Variants in PLS3 observed in about 807,000 individuals in gnomAD.
The protein encoded by PLS3 is plastin 3.
PLS3 carries 11 observed loss-of-function variants against 46.5 expected under a neutral mutation model. The ratio of observed to expected loss-of-function variants is 0.24; its 90% CI spans 0.15 to 0.39. The LOEUF is 0.39. PLS3 is among the 10% of genes least tolerant of loss of function. PLS3 has a pLI of 1.00. For synonymous variants in PLS3, 167 were observed against 162.2 expected, an observed-to-expected ratio of 1.03 and a Z score of -0.22; for missense variants, 308 against 461.8, an observed-to-expected ratio of 0.67 and a Z score of 3.05.
intron 3 of PLS3, among the ~76,000 whole-genome samples, chrX:115,626,837 A>G (rs927955174): frequency 1.8e-5 from 2 of 108,858 alleles, no homozygotes; most frequent in Admixed American, 1.0e-4. Context: ...ATGTATATAT[A>G]TGTTTAATTT....
chrX:115,630,954 A>T (rs978850278), intron 5 of PLS3, among the ~76,000 whole-genome samples: 131 of 96,247 alleles, frequency 1.4e-3, no homozygotes, highest in Non-Finnish European at 2.1e-3. Context: ...AATATATATA[A>T]AATATATATT....
intron 8 of PLS3, among the ~76,000 whole-genome samples, chrX:115,638,918 G>GTTA (rs2074866745): frequency 9.2e-6 from 1 of 108,908 alleles, no homozygotes; most frequent in African/African-American, 3.3e-5. Context: ...GTTTCACCGT[G>GTTA]TTAGCCAGGA....
chrX:115,613,981 A>AT (rs1340661759), intron 2 of PLS3, among the ~76,000 whole-genome samples: 88 of 109,401 alleles, frequency 8.0e-4, no homozygotes, highest in African/African-American at 2.8e-3. Context: ...TTGTTTATTT[A>AT]TTTTTTTTGA....
At chrX:115,610,715 G>C in intron 2 of PLS3, 1 of 353,171 alleles carries the variant, frequency 2.8e-6, no homozygotes, top group East Asian at 4.6e-5. Context: ...TGTGACCCTC[G>C]AAAACATTAG....
chrX:115,570,482 T>G (rs1243916887), intron 1 of PLS3, among the ~76,000 whole-genome samples: 3 of 108,453 alleles, frequency 2.8e-5, no homozygotes, highest in Non-Finnish European at 5.7e-5. Context: ...TTTTCTCTAA[T>G]TTGAGTACCT....
At chrX:115,603,738 G>T (rs1556634904) in intron 1 of PLS3, among the ~76,000 whole-genome samples, 1 of 110,838 alleles carries the variant, frequency 9.0e-6, no homozygotes, top group African/African-American at 3.3e-5. Flanking sequence ...TTGCACCACT[G>T]CCTGGGTGAC....
In PLS3 at chrX:115,571,172, C is replaced by T. The variant is rs782249870; in HGVS notation, c.-9+9912C>T. 2.2e-4 allele frequency among the ~76,000 whole-genome samples: 24 copies of T among 110,637 alleles called. No individual in the cohort carries two copies. The South Asian group carries it at 8.7e-3, about 40-fold the overall frequency. ...CCTCCCAAAGTGTTGGGATTACAGG[C>T]GTGAGCCACTGAACCCTGCCATTTA... On this transcript the variant is annotated intron_variant, in intron 1 of 15. Coordinates refer to ENST00000355899, the MANE Select transcript of PLS3 (RefSeq NM_005032.7).
At chrX:115,630,879 A>ATATTATACATG in intron 5 of PLS3, among the ~76,000 whole-genome samples, 1 of 95,447 alleles carries the variant, frequency 1.0e-5, no homozygotes, top group African/African-American at 3.8e-5. Context: ...GTATATATGT[A>ATATTATACATG]TATATATGTA....
At chrX:115,605,596 C>G (rs909961109) in intron 1 of PLS3, among the ~76,000 whole-genome samples, 1 of 111,219 alleles carries the variant, frequency 9.0e-6, no homozygotes, top group East Asian at 2.8e-4. Flanking sequence ...TCTGAGACTA[C>G]AGGCATGTGC....
At chrX:115,579,989 G>A (rs1435072591) in intron 1 of PLS3, among the ~76,000 whole-genome samples, 1 of 111,963 alleles carries the variant, frequency 8.9e-6, no homozygotes, top group Non-Finnish European at 1.9e-5. Flanking sequence ...ACTGTGCTGG[G>A]ATTACAGACA....
At position 115,614,143 on chromosome X, in the gene PLS3, G is replaced by T. The variant is rs782703044; in HGVS notation, c.73+3820G>T. On this transcript the variant is annotated intron_variant, in intron 2 of 15. Coordinates refer to ENST00000355899, the MANE Select transcript of PLS3 (RefSeq NM_005032.7). ...CCACGCCCGGCTAATTTTTTTTTTT[G>T]TATTTTTAGTGGAGACGGAGTTTCA... is the stretch of plus-strand genomic sequence containing the variant. 381 of 123,994 alleles carry T rather than the reference G, an allele frequency of 3.1e-3. 4 individuals carry two copies. Among genetic ancestry groups the T allele is most frequent in the African/African-American group, 0.012 (369 of 29,820 alleles). 10.2% of individuals were successfully genotyped at this position (123,994 alleles called of 1,213,427 possible).
Position 115,644,001 on chromosome X carries a change from T to C in PLS3, c.1183+493T>C, listed in dbSNP as rs191644131. Among the ~76,000 whole-genome samples, 139 of 111,100 alleles carry C rather than the reference T, an allele frequency of 1.3e-3. 1 individual carries two copies. Among genetic ancestry groups the C allele is most frequent in the African/African-American group, 4.3e-3 (132 of 30,610 alleles). ...AATAAATAAAAAAAATAAAAAGTAG[T>C]CGAGTCGCTTAATGTAAAGCCACTT... is the stretch of plus-strand genomic sequence containing the variant. On this transcript the variant is annotated intron_variant, in intron 10 of 15. Coordinates refer to ENST00000355899, the MANE Select transcript of PLS3 (RefSeq NM_005032.7).
At chrX:115,587,322 T>C (rs939137692) in intron 1 of PLS3, among the ~76,000 whole-genome samples, 7 of 112,608 alleles carry the variant, frequency 6.2e-5, no homozygotes, top group Non-Finnish European at 1.1e-4. Flanking sequence ...ATATTGTGTG[T>C]GATGAGATAA....
At chrX:115,628,962 C>T (rs1397719567) in intron 3 of PLS3, among the ~76,000 whole-genome samples, 5 of 111,607 alleles carry the variant, frequency 4.5e-5, no homozygotes, top group Non-Finnish European at 7.5e-5. Context: ...GAGTTCAATG[C>T]ATGTAGCGCT....
At chrX:115,640,381 C>T (rs782279384) in intron 8 of PLS3, 27 bp from the exon 9 acceptor site, 1 of 972,383 alleles carries the variant, frequency 1.0e-6, no homozygotes, top group Non-Finnish European at 1.5e-6. Flanking sequence ...TAACTGTGAT[C>T]TCACTGACAT....
chrX:115,594,629 C>T (rs2074370032), intron 1 of PLS3, among the ~76,000 whole-genome samples: 1 of 103,312 alleles, frequency 9.7e-6, no homozygotes, highest in Non-Finnish European at 1.9e-5. Flanking sequence ...TAGCCTCTCT[C>T]TCTCTCTCTC....
intron 2 of PLS3, among the ~76,000 whole-genome samples, chrX:115,620,361 G>A (rs1446105843): frequency 9.0e-6 from 1 of 111,290 alleles, no homozygotes; most frequent in Non-Finnish European, 1.9e-5. Flanking sequence ...ATAGCCACAT[G>A]ATTTGCTTCC....
intron 5 of PLS3, among the ~76,000 whole-genome samples, chrX:115,633,382 G>T (rs1473214711): frequency 9.0e-6 from 1 of 111,232 alleles, no homozygotes; most frequent in Non-Finnish European, 1.9e-5. Context: ...TGTTGGCCAG[G>T]CTGTTTTCCA....
At chrX:115,562,509 CGGGAT>C (rs1214437660) in intron 1 of PLS3, 2 of 111,753 alleles carry the variant, frequency 1.8e-5, no homozygotes, top group African/African-American at 6.5e-5. Flanking sequence ...GTCAGACAGA[CGGGAT>C]GCTGGGGGCG....
Sources: allele counts gnomAD v4.1 joint callset (sites outside exome capture counted in the v4.1 genomes callset), GRCh38; gene constraint gnomAD v4.1.1; transcripts MANE v1.5; gene names NCBI Gene and HGNC (gene_info 2026-07-23, HGNC 2026-07-21).